NXPE2: variants seen among roughly 807,000 people sequenced by gnomAD.
NXPE2 encodes the protein NXPE family member 2.
A neutral mutation model predicts 34.4 loss-of-function variants in NXPE2; 34 were observed. The ratio of observed to expected loss-of-function variants is 0.99; its 90% CI spans 0.75 to 1.31. The LOEUF (loss-of-function observed/expected upper bound fraction) is 1.31, where lower values mean the gene tolerates loss of function less well. NXPE2 is among the 40% of genes most tolerant of loss of function. The probability of loss-of-function intolerance (pLI) is 0.00; values close to 1 mark genes in which losing one functional copy is unlikely to be tolerated. For synonymous variants in NXPE2, 235 were observed against 231.3 expected (o/e 1.02, Z -0.15); for missense variants, 649 against 672.5 (o/e 0.97, Z 0.39).
the NXPE2 span, among the ~76,000 whole-genome samples, chr11:114,602,004 GTATTA>G: frequency 1.3e-3 from 101 of 74,862 alleles, no homozygotes; most frequent in African/African-American, 4.0e-3. Context: ...TGTATCTAAT[GTATTA>G]TATTATATAT....
At chr11:114,781,715 A>C in the NXPE2 span, among the ~76,000 whole-genome samples, 1 of 152,142 alleles carries the variant, frequency 6.6e-6, no homozygotes, top group Non-Finnish European at 1.5e-5. Context: ...GGAAGTCTGT[A>C]GGGTGGTCTA....
chr11:114,770,465 G>A, the NXPE2 span, among the ~76,000 whole-genome samples: 1 of 152,230 alleles, frequency 6.6e-6, no homozygotes, highest in Non-Finnish European at 1.5e-5. Context: ...GTGTCCAGAG[G>A]CAGTAAAATA....
chr11:114,582,383 C>T, the NXPE2 span: 1 of 1,614,168 alleles, frequency 6.2e-7, no homozygotes, highest in African/African-American at 1.3e-5. Flanking sequence ...TGTGTTGAGG[C>T]CTCACACAGT....
chr11:114,470,537 A>G, the NXPE2 span, among the ~76,000 whole-genome samples: 1 of 151,792 alleles, frequency 6.6e-6, no homozygotes, highest in African/African-American at 2.4e-5. Context: ...TTGCTCATTT[A>G]AAAAATTGGG....
At chr11:114,667,427 C>T in the NXPE2 span, among the ~76,000 whole-genome samples, 11 of 152,048 alleles carry the variant, frequency 7.2e-5, no homozygotes, top group South Asian at 6.2e-4. Context: ...TAATTAAACA[C>T]GCAACACCAA....
the NXPE2 span, among the ~76,000 whole-genome samples, chr11:114,515,880 A>G: frequency 6.6e-6 from 1 of 152,198 alleles, no homozygotes; most frequent in African/African-American, 2.4e-5. Flanking sequence ...ATCACCATAA[A>G]GCTTCAATTT....
At position 114,694,945 on chromosome 11, in the gene NXPE2, T is replaced by C. The variant is rs1354360899; in HGVS notation, c.133-3100T>C. 2.0e-5 allele frequency among the ~76,000 whole-genome samples: 3 copies of C among 152,186 alleles called. No homozygotes were observed. In the East Asian group the frequency reaches 5.8e-4, roughly 29 times the overall value. On this transcript the variant is annotated intron_variant, in intron 2 of 5. Transcript: ENST00000389586. The stretch of plus-strand genomic sequence containing the variant: ...AATCTCTACTATAACTAAGTTTTGT[T>C]CTGATGCTTGCATTGTCCCTTTAGA...
At chr11:114,598,926 T>C in the NXPE2 span, among the ~76,000 whole-genome samples, 1 of 152,202 alleles carries the variant, frequency 6.6e-6, no homozygotes, top group Non-Finnish European at 1.5e-5. Context: ...TTGGCTCCTT[T>C]TTACTTATGC....
intron 2 of NXPE2, among the ~76,000 whole-genome samples, chr11:114,695,413 T>C (rs1348848575): frequency 2.0e-5 from 3 of 152,116 alleles, no homozygotes; most frequent in Non-Finnish European, 4.4e-5. Context: ...CCCACGTCTA[T>C]CCTTAGGTGA....
At chr11:114,657,499 C>T in the NXPE2 span, among the ~76,000 whole-genome samples, 1 of 152,064 alleles carries the variant, frequency 6.6e-6, no homozygotes, top group Non-Finnish European at 1.5e-5. Context: ...TTGCAGGTAT[C>T]ACAAAGTGCC....
chr11:114,691,828 A>C (rs1264744271), intron 2 of NXPE2, among the ~76,000 whole-genome samples: 2 of 149,576 alleles, frequency 1.3e-5, no homozygotes, highest in Admixed American at 6.6e-5. Context: ...TCTCCAAGGA[A>C]AGTGGGGTCT....
intron 3 of NXPE2, among the ~76,000 whole-genome samples, chr11:114,699,737 C>T (rs1806277866): frequency 6.6e-6 from 1 of 151,932 alleles, no homozygotes; most frequent in African/African-American, 2.4e-5. Context: ...TTTTAATATC[C>T]TCTGTTAAGT....
the NXPE2 span, among the ~76,000 whole-genome samples, chr11:114,624,495 C>T: frequency 1.3e-5 from 2 of 151,104 alleles, no homozygotes; most frequent in African/African-American, 4.9e-5. Flanking sequence ...ATGGGTAAGC[C>T]CTGTTGCCCA....
the NXPE2 span, among the ~76,000 whole-genome samples, chr11:114,639,000 T>A: frequency 6.6e-6 from 1 of 152,068 alleles, no homozygotes; most frequent in African/African-American, 2.4e-5. Context: ...TTCAAAGCTG[T>A]CAGACTGGGA....
At chr11:114,553,673 A>T in the NXPE2 span, 11 of 967,622 alleles carry the variant, frequency 1.1e-5, no homozygotes, top group African/African-American at 1.4e-4. Flanking sequence ...ATTTATTCCG[A>T]AATCAATGTC....
At chr11:114,572,659 C>A in the NXPE2 span, among the ~76,000 whole-genome samples, 1 of 152,050 alleles carries the variant, frequency 6.6e-6, no homozygotes, top group African/African-American at 2.4e-5. Context: ...CTCAATCCAT[C>A]AAAGACAAAA....
the NXPE2 span, among the ~76,000 whole-genome samples, chr11:114,668,290 C>T: frequency 0.092 from 14,025 of 152,008 alleles, 782 homozygotes; most frequent in Middle Eastern, 0.2. Context: ...GGACAGGCTC[C>T]TGCTTGTCTG....
At chr11:114,545,646 T>C in the NXPE2 span, among the ~76,000 whole-genome samples, 3 of 151,932 alleles carry the variant, frequency 2.0e-5, no homozygotes, top group African/African-American at 7.3e-5. Context: ...TGTGTATACA[T>C]GAAACTGCAA....
chr11:114,464,911 A>G, the NXPE2 span, among the ~76,000 whole-genome samples: 1 of 152,184 alleles, frequency 6.6e-6, no homozygotes, highest in Admixed American at 6.5e-5. Context: ...AGTACTTCAT[A>G]AAAGAGAAAC....
Sources: allele counts gnomAD v4.1 joint callset (sites outside exome capture counted in the v4.1 genomes callset), GRCh38; gene constraint gnomAD v4.1.1; transcripts MANE v1.5; gene names NCBI Gene and HGNC (gene_info 2026-07-23, HGNC 2026-07-21).